Variants in CRY1 observed in about 807,000 individuals in gnomAD.
The protein encoded by CRY1 is cryptochrome-1.
CRY1 carries 45 observed loss-of-function variants against 76.0 expected under a neutral mutation model. The observed-to-expected ratio is 0.59, with a 90% CI of 0.47 to 0.76. The LOEUF (loss-of-function observed/expected upper bound fraction) is 0.76. Among genes scored for constraint, CRY1 ranks in the 30% least tolerant of loss-of-function variants. CRY1 has a pLI of 0.00. For synonymous variants in CRY1, 248 were observed against 244.0 expected (o/e 1.02, Z -0.15); for missense variants, 587 against 716.4 (o/e 0.82, Z 2.06).
At chr12:107,049,779 T>C (rs1952896846) in intron 1 of CRY1, 1 of 152,230 alleles carries the variant, frequency 6.6e-6, no homozygotes, top group Non-Finnish European at 1.5e-5. Context: ...ACCTGGTGTT[T>C]GGTCTAGGAC....
chr12:107,038,579 A>G (rs1952762874), intron 1 of CRY1, among the ~76,000 whole-genome samples: 2 of 152,236 alleles, frequency 1.3e-5, no homozygotes, highest in African/African-American at 2.4e-5. Context: ...AACGAAGACT[A>G]ACGGAATATA....
At chr12:107,066,987 G>T (rs1401994509) in intron 1 of CRY1, among the ~76,000 whole-genome samples, 3 of 149,522 alleles carry the variant, frequency 2.0e-5, no homozygotes, top group East Asian at 2.0e-4. Flanking sequence ...GTATTTGTTT[G>T]TTTGAAGAGA....
chr12:107,021,398 T>C (rs1184588243), intron 2 of CRY1, among the ~76,000 whole-genome samples: 2 of 152,312 alleles, frequency 1.3e-5, no homozygotes, highest in South Asian at 2.1e-4. Flanking sequence ...TACTGGCCCA[T>C]GTGAGCAAAG....
chr12:107,012,409 C>G (rs1332145240), intron 2 of CRY1, among the ~76,000 whole-genome samples: 1 of 152,188 alleles, frequency 6.6e-6, no homozygotes, highest in Non-Finnish European at 1.5e-5. Flanking sequence ...GTGTTTACAA[C>G]ATGGTTTATA....
chr12:107,007,987 G>T (rs1333835307), intron 2 of CRY1, among the ~76,000 whole-genome samples: 1 of 152,210 alleles, frequency 6.6e-6, no homozygotes, highest in African/African-American at 2.4e-5. Context: ...TAGCAAAGCT[G>T]AATTGTAGAA....
chr12:107,014,027 C>T (rs7134492), intron 2 of CRY1, among the ~76,000 whole-genome samples: 19,457 of 151,944 alleles, frequency 0.13, 2,142 homozygotes, highest in African/African-American at 0.29. Context: ...TCTATGTGGA[C>T]GGAAAATAAA....
chr12:107,000,498 C>T (rs889908985), intron 5 of CRY1, among the ~76,000 whole-genome samples: 6 of 151,976 alleles, frequency 3.9e-5, no homozygotes, highest in East Asian at 1.9e-4. Context: ...TACAGGCATG[C>T]GCCACCACGC....
chr12:107,062,025 C>CAA (rs35683352), intron 1 of CRY1, among the ~76,000 whole-genome samples: 9 of 93,554 alleles, frequency 9.6e-5, no homozygotes, highest in African/African-American at 2.8e-4. Context: ...GACCCTGTCT[C>CAA]AAAAAAAAAA....
At chr12:107,052,181 C>G (rs1952930808) in intron 1 of CRY1, among the ~76,000 whole-genome samples, 1 of 133,648 alleles carries the variant, frequency 7.5e-6, no homozygotes, top group Non-Finnish European at 1.7e-5. Flanking sequence ...ACCTAGAATT[C>G]TATACCCAGT....
intron 1 of CRY1, among the ~76,000 whole-genome samples, chr12:107,036,665 C>A (rs1200841430): frequency 6.6e-6 from 1 of 151,886 alleles, no homozygotes; most frequent in East Asian, 1.9e-4. Context: ...CACTATGACT[C>A]CATCTTTCTT....
chr12:107,001,467 G>A, intron 4 of CRY1, 99 bp from the exon 5 acceptor site: 1 of 1,041,044 alleles, frequency 9.6e-7, no homozygotes, highest in Non-Finnish European at 1.4e-6. Flanking sequence ...AAAATTAAGA[G>A]AGTACCATAA....
intron 1 of CRY1, among the ~76,000 whole-genome samples, chr12:107,034,588 A>C (rs1952713145): frequency 6.6e-6 from 1 of 152,188 alleles, no homozygotes; most frequent in African/African-American, 2.4e-5. Flanking sequence ...ATGACATTCA[A>C]AGGAAATGCT....
chr12:107,093,129 G>T lies in CRY1; in HGVS notation c.-168C>A. 1.3e-6 allele frequency: 1 copy of T among 774,274 alleles called. No homozygotes were observed. Among genetic ancestry groups the T allele is most frequent in the African/African-American group, 1.8e-5 (1 of 56,070 alleles). 48.0% of individuals were successfully genotyped at this position (774,274 alleles called of 1,614,324 possible). On this transcript the variant is annotated 5_prime_UTR_variant, in exon 1 of 13. Coordinates refer to ENST00000008527, the MANE Select transcript of CRY1 (RefSeq NM_004075.5). ...CGAGGAGGGGACCGGAGAAGGCGGG[G>T]GCGCCGGAGGCGCAGTGGAAAGATG...
At chr12:107,035,077 G>A (rs1301512727) in intron 1 of CRY1, among the ~76,000 whole-genome samples, 2 of 152,140 alleles carry the variant, frequency 1.3e-5, no homozygotes, top group East Asian at 1.9e-4. Flanking sequence ...TCTGCCTAAC[G>A]TGTTCAAAAA....
intron 1 of CRY1, among the ~76,000 whole-genome samples, chr12:107,031,178 G>T (rs887493946): frequency 6.6e-6 from 1 of 152,050 alleles, no homozygotes; most frequent in Non-Finnish European, 1.5e-5. Context: ...AAGCAAGAAG[G>T]CATAACAGGT....
At chr12:107,070,793 C>A (rs1046804756) in intron 1 of CRY1, among the ~76,000 whole-genome samples, 6 of 151,338 alleles carry the variant, frequency 4.0e-5, no homozygotes, top group East Asian at 1.9e-4. Context: ...CTCTGCCTCC[C>A]GGGTTCACAG....
chr12:107,085,980 C>T (rs972566904), intron 1 of CRY1, among the ~76,000 whole-genome samples: 3 of 151,974 alleles, frequency 2.0e-5, no homozygotes, highest in Admixed American at 2.0e-4. Flanking sequence ...AAAATATAGA[C>T]AGTAAAGGCC....
chr12:107,083,145 G>A (rs902910410), intron 1 of CRY1, among the ~76,000 whole-genome samples: 2 of 152,116 alleles, frequency 1.3e-5, no homozygotes, highest in Non-Finnish European at 2.9e-5. Context: ...AAACCAGGAA[G>A]AAGTCACATC....
chr12:107,048,085 A>C (rs968677195), intron 1 of CRY1, among the ~76,000 whole-genome samples: 1 of 84,522 alleles, frequency 1.2e-5, no homozygotes, highest in Non-Finnish European at 2.2e-5. Context: ...GTATCCATTC[A>C]GATTTTTTTT....
Sources: allele counts gnomAD v4.1 joint callset (sites outside exome capture counted in the v4.1 genomes callset), GRCh38; gene constraint gnomAD v4.1.1; transcripts MANE v1.5; gene names NCBI Gene and HGNC (gene_info 2026-07-23, HGNC 2026-07-21).